Variants in MACROD2 observed in about 807,000 individuals in gnomAD.
MACROD2 encodes mono-ADP ribosylhydrolase 2.
Under a neutral mutation model 70.4 loss-of-function variants are expected in MACROD2, and 36 were observed. The observed-to-expected ratio is 0.51, with a 90% CI of 0.39 to 0.68. The LOEUF (loss-of-function observed/expected upper bound fraction) is 0.68. Ranked by LOEUF, MACROD2 falls within the 30% of genes least tolerant of loss-of-function variation. The pLI, the probability that MACROD2 is intolerant of heterozygous loss-of-function variation, is 0.00. For missense variants in MACROD2, 496 were observed against 538.4 expected (o/e 0.92, Z 0.78); for synonymous variants, 172 against 178.8 (o/e 0.96, Z 0.30).
chr20:14,635,926 T>C (rs889867055), intron 4 of MACROD2, among the ~76,000 whole-genome samples: 3 of 152,264 alleles, frequency 2.0e-5, no homozygotes, highest in African/African-American at 7.2e-5. Flanking sequence ...ATGAGACAAA[T>C]TTGACAGAAT....
chr20:14,631,422 A>T (rs1349556471), intron 4 of MACROD2, among the ~76,000 whole-genome samples: 1 of 152,182 alleles, frequency 6.6e-6, no homozygotes, highest in African/African-American at 2.4e-5. Flanking sequence ...TGTTTTCTGG[A>T]ATGAGATGTT....
chr20:16,025,170 T>C (rs1038559742), intron 15 of MACROD2, among the ~76,000 whole-genome samples: 3 of 152,210 alleles, frequency 2.0e-5, no homozygotes, highest in Non-Finnish European at 4.4e-5. Flanking sequence ...TTTCTTGAAC[T>C]GTCTCCTGGA....
chr20:15,686,523 G>A (rs1171964885), intron 8 of MACROD2, among the ~76,000 whole-genome samples: 5 of 152,132 alleles, frequency 3.3e-5, no homozygotes, highest in Non-Finnish European at 5.9e-5. Flanking sequence ...GCTGAAACTA[G>A]AATAGGTAGT....
intron 2 of MACROD2, among the ~76,000 whole-genome samples, chr20:14,019,157 AT>A (rs1047519188): frequency 6.6e-6 from 1 of 152,184 alleles, no homozygotes; most frequent in Non-Finnish European, 1.5e-5. Flanking sequence ...GATAGAGCCT[AT>A]TTATCAAGAC....
At chr20:15,537,082 A>G (rs989501020) in intron 8 of MACROD2, among the ~76,000 whole-genome samples, 1 of 152,022 alleles carries the variant, frequency 6.6e-6, no homozygotes, top group East Asian at 1.9e-4. Flanking sequence ...ATTCTCACAT[A>G]TTGTAGGAGG....
At chr20:15,576,934 G>T (rs1042746899) in intron 8 of MACROD2, among the ~76,000 whole-genome samples, 3 of 152,118 alleles carry the variant, frequency 2.0e-5, no homozygotes, top group African/African-American at 7.2e-5. Flanking sequence ...CATAACGGCA[G>T]TTGGAAAACT....
chr20:14,282,503 A>C (rs1412761866), intron 3 of MACROD2, among the ~76,000 whole-genome samples: 1 of 152,186 alleles, frequency 6.6e-6, no homozygotes, highest in Non-Finnish European at 1.5e-5. Context: ...TCCAAAATGA[A>C]ATGTTCCGTG....
At position 15,883,127 on chromosome 20, in the gene MACROD2, T is replaced by C. The variant is rs1417010990; in HGVS notation, c.728-2637T>C. Among the ~76,000 whole-genome samples the C allele has an allele frequency of 4.0e-5, 6 of 151,888 alleles. No individual in the cohort carries two copies. In the East Asian group the frequency reaches 1.2e-3, roughly 29 times the overall value. ...CCCAAACATAAAGCCTTGTACACAA[T>C]AGGCTAACCAATGAGTGTTTGCCAG... is the stretch of plus-strand genomic sequence containing the variant. On this transcript the variant is annotated intron_variant, in intron 9 of 17. Coordinates refer to ENST00000684519, the MANE Select transcript of MACROD2 (RefSeq NM_001351661.2).
intron 5 of MACROD2, among the ~76,000 whole-genome samples, chr20:15,125,040 A>G (rs1164404604): frequency 6.6e-6 from 1 of 152,074 alleles, no homozygotes; most frequent in Admixed American, 6.6e-5. Flanking sequence ...GGTGGAAATT[A>G]TTTGGCTAAA....
At chr20:14,390,252 C>A (rs372111675) in intron 3 of MACROD2, among the ~76,000 whole-genome samples, 1 of 151,984 alleles carries the variant, frequency 6.6e-6, no homozygotes, top group Non-Finnish European at 1.5e-5. Context: ...AGAGATGACA[C>A]GAACAAATGG....
rs1018196013 is a variant in MACROD2, at chr20:14,720,201, A to G, written c.418+35242A>G. ...TCTTAGGTCTTAGGAAAAACCACAT[A>G]TGGTCTGTTAACCTAAATGATCTTT... On this transcript the variant is annotated intron_variant, in intron 5 of 17. Transcript: ENST00000684519. 2.0e-5 allele frequency among the ~76,000 whole-genome samples: 3 copies of G among 152,314 alleles called. No homozygotes were observed. The East Asian group carries it at 5.8e-4, about 29-fold the overall frequency.
intron 5 of MACROD2, among the ~76,000 whole-genome samples, chr20:14,747,810 G>A (rs1233202218): frequency 2.0e-5 from 3 of 151,596 alleles, no homozygotes; most frequent in East Asian, 1.9e-4. Flanking sequence ...AAGTTTGAAC[G>A]TCAAATGGAA....
At chr20:15,743,996 G>A (rs62194112) in intron 8 of MACROD2, among the ~76,000 whole-genome samples, 5,541 of 152,190 alleles carry the variant, frequency 0.036, 122 homozygotes, top group South Asian at 0.082. Flanking sequence ...GCACCCCAGC[G>A]TCCTGGCCAA....
At chr20:15,292,800 T>A (rs2077552617) in intron 6 of MACROD2, among the ~76,000 whole-genome samples, 1 of 152,240 alleles carries the variant, frequency 6.6e-6, no homozygotes, top group Admixed American at 6.5e-5. Context: ...ATGACTGTTT[T>A]TTCTTGGTTT....
At chr20:14,745,900 A>T (rs981167145) in intron 5 of MACROD2, among the ~76,000 whole-genome samples, 6 of 152,120 alleles carry the variant, frequency 3.9e-5, no homozygotes, top group African/African-American at 1.4e-4. Context: ...TTCCTGAAAA[A>T]TTAAAGAATA....
At chr20:14,438,124 T>A (rs1244332014) in intron 3 of MACROD2, among the ~76,000 whole-genome samples, 1 of 152,204 alleles carries the variant, frequency 6.6e-6, no homozygotes, top group Non-Finnish European at 1.5e-5. Context: ...CAACCCTTTA[T>A]TCCTTTTTTA....
chr20:14,140,377 T>C (rs1302827187), intron 3 of MACROD2, among the ~76,000 whole-genome samples: 2 of 152,208 alleles, frequency 1.3e-5, no homozygotes, highest in African/African-American at 4.8e-5. Context: ...TTTTCTGTTA[T>C]TAGTTGTATA....
chr20:14,350,860 A>T (rs1307620724), intron 3 of MACROD2, among the ~76,000 whole-genome samples: 1 of 152,204 alleles, frequency 6.6e-6, no homozygotes, highest in South Asian at 2.1e-4. Context: ...AGTTTCCCTT[A>T]TGAGTTTCCT....
At chr20:14,110,183 AC>A (rs1384169660) in intron 3 of MACROD2, among the ~76,000 whole-genome samples, 2 of 151,904 alleles carry the variant, frequency 1.3e-5, no homozygotes, top group South Asian at 2.1e-4. Flanking sequence ...ATATTCCTTC[AC>A]GTTTGTAAAA....
Sources: gnomAD v4.1 joint callset for allele counts (sites outside exome capture counted in the v4.1 genomes callset) on GRCh38, gnomAD v4.1.1 for gene constraint, MANE v1.5 for transcripts, NCBI Gene and HGNC (gene_info 2026-07-23, HGNC 2026-07-21) for gene names.